DYRK1A: variants seen among roughly 807,000 people sequenced by gnomAD.
DYRK1A encodes the protein dual specificity tyrosine-phosphorylation-regulated kinase 1A.
A neutral mutation model predicts 79.7 loss-of-function variants in DYRK1A; 9 were observed. That is an observed-to-expected ratio of 0.11 (90% confidence interval 0.07 to 0.20). DYRK1A has a LOEUF of 0.20. DYRK1A is among the 10% of genes least tolerant of loss of function. DYRK1A has a pLI of 1.00. For synonymous variants in DYRK1A, 349 were observed against 329.7 expected (o/e 1.06, Z -0.63); for missense variants, 622 against 956.0 (o/e 0.65, Z 4.61).
intron 1 of DYRK1A, among the ~76,000 whole-genome samples, chr21:37,402,850 C>T (rs990884094): frequency 3.3e-5 from 5 of 152,210 alleles, no homozygotes; most frequent in African/African-American, 9.6e-5. Flanking sequence ...GCAACCTCTG[C>T]CTCCCAGGTT....
chr21:37,389,476 T>G (rs547932585), intron 1 of DYRK1A, among the ~76,000 whole-genome samples: 2 of 152,308 alleles, frequency 1.3e-5, no homozygotes, highest in East Asian at 3.9e-4. Context: ...AAAAGAATAT[T>G]TCTGATTCGA....
chr21:37,418,509 AAGT>A (rs1395526949), intron 1 of DYRK1A, among the ~76,000 whole-genome samples: 7 of 152,168 alleles, frequency 4.6e-5, no homozygotes, highest in African/African-American at 1.7e-4. Flanking sequence ...GGCGAGGTGT[AAGT>A]AGCATTGTAA....
chr21:37,511,926 C>G lies in DYRK1A; in HGVS notation c.1660C>G (p.Pro554Ala). The change falls in exon 12 of 12, where the codon CCT (proline) becomes GCT (alanine). Residue 554 changes from proline to alanine, a missense_variant. Transcript: ENST00000647188. ...GTTCTTTCAGGTGCGTCAGCAATTT[C>G]CTGCTCCTCTTGGTTGGTCAGGCAC... is the stretch of plus-strand genomic sequence containing the variant. ...THSPQVRQQF[P>A]APLGWSGTEA... is the part of the protein sequence containing the mutation. 2 of 1,611,652 alleles carry G rather than the reference C, an allele frequency of 1.2e-6. No individual in the cohort carries two copies. Among genetic ancestry groups the G allele is most frequent in the Non-Finnish European group, 1.7e-6 (2 of 1,177,870 alleles).
Position 37,420,316 on chromosome 21 carries a change from T to C in DYRK1A, c.-59T>C. 1 of 1,552,398 alleles carries C rather than the reference T, an allele frequency of 6.4e-7. No homozygotes were observed. The highest frequency in any genetic ancestry group is 1.1e-5 in the South Asian group (1 of 88,980). ...TCACACAGTGTTATAGTTTTGCCGC[T>C]GGACTCTTCCCTCCCTTCCCCCACC... is the stretch of plus-strand genomic sequence containing the variant. On this transcript the variant is annotated 5_prime_UTR_variant, in exon 2 of 12. Coordinates refer to ENST00000647188, the MANE Select transcript of DYRK1A (RefSeq NM_001347721.2).
At position 37,505,969 on chromosome 21, in the gene DYRK1A, G is replaced by A. The variant is rs1032891446; in HGVS notation, c.1520-130G>A. The A allele has an allele frequency of 1.4e-5, 16 of 1,170,514 alleles. No individual in the cohort carries two copies. The Middle Eastern group carries it at 7.6e-4, about 55-fold the overall frequency. 72.5% of individuals were successfully genotyped at this position (1,170,514 alleles called of 1,614,324 possible). On this transcript the variant is annotated intron_variant, in intron 10 of 11. Coordinates refer to ENST00000647188, the MANE Select transcript of DYRK1A (RefSeq NM_001347721.2). ...TGAAGACTTTGTGATATACTTTCAA[G>A]TTAATATTAGAGATTTTGTATGTGT...
chr21:37,488,572 C>G, intron 6 of DYRK1A: 1 of 985,314 alleles, frequency 1.0e-6, no homozygotes. Flanking sequence ...TGCCAGCCCT[C>G]CATTCTCCCC....
intron 1 of DYRK1A, among the ~76,000 whole-genome samples, chr21:37,410,099 A>G (rs2050215963): frequency 6.6e-6 from 1 of 152,226 alleles, no homozygotes; most frequent in Non-Finnish European, 1.5e-5. Context: ...GAACAACCAC[A>G]TTTGCCAGGA....
chr21:37,430,020 C>T (rs753860661), intron 2 of DYRK1A, among the ~76,000 whole-genome samples: 11 of 152,096 alleles, frequency 7.2e-5, no homozygotes, highest in African/African-American at 2.2e-4. Flanking sequence ...CAGTTTCTCC[C>T]GATCCTCTTT....
intron 1 of DYRK1A, among the ~76,000 whole-genome samples, chr21:37,386,280 C>T (rs1170297471): frequency 6.6e-6 from 1 of 152,128 alleles, no homozygotes; most frequent in Non-Finnish European, 1.5e-5. Flanking sequence ...GCGCTTGAAT[C>T]ATCCCAAAAC....
intron 2 of DYRK1A, among the ~76,000 whole-genome samples, chr21:37,459,783 A>G (rs1251772209): frequency 1.3e-5 from 2 of 152,216 alleles, no homozygotes; most frequent in Admixed American, 6.5e-5. Context: ...CCTAAAAGGC[A>G]TTCTTCTCTG....
chr21:37,411,252 C>T (rs1191127225), intron 1 of DYRK1A, among the ~76,000 whole-genome samples: 1 of 151,228 alleles, frequency 6.6e-6, no homozygotes, highest in East Asian at 2.0e-4. Context: ...GCTACTCAGG[C>T]GGCTGAGGCA....
At chr21:37,383,525 C>T (rs1223188529) in intron 1 of DYRK1A, among the ~76,000 whole-genome samples, 1 of 152,226 alleles carries the variant, frequency 6.6e-6, no homozygotes, top group Non-Finnish European at 1.5e-5. Flanking sequence ...CCAAGGAACT[C>T]TCCTGGGTCA....
At chr21:37,441,629 C>G (rs1601098223) in intron 2 of DYRK1A, among the ~76,000 whole-genome samples, 1 of 152,236 alleles carries the variant, frequency 6.6e-6, no homozygotes, top group Non-Finnish European at 1.5e-5. Flanking sequence ...TAGATCACTT[C>G]ACGTATAGTG....
At chr21:37,476,927 G>A (rs146612451) in intron 3 of DYRK1A, among the ~76,000 whole-genome samples, 1,538 of 150,552 alleles carry the variant, frequency 0.01, 22 homozygotes, top group African/African-American at 0.035. Context: ...ACTTTTTAGA[G>A]TTTGAGTATA....
chr21:37,474,663 CACAT>C (rs2052337765), intron 3 of DYRK1A, among the ~76,000 whole-genome samples: 2 of 152,228 alleles, frequency 1.3e-5, no homozygotes, highest in African/African-American at 4.8e-5. Context: ...GAACCCCCAA[CACAT>C]ACAAAGTACC....
chr21:37,489,950 A>G (rs775916769), intron 6 of DYRK1A, among the ~76,000 whole-genome samples: 21 of 152,186 alleles, frequency 1.4e-4, no homozygotes, highest in Non-Finnish European at 1.2e-4. Context: ...TGCTTACCTT[A>G]TATCACTTAC....
In DYRK1A at chr21:37,406,979, T is replaced by TACCGCTCCTCCCC. The variant is rs1465783858; in HGVS notation, c.-76-13319_-76-13307dup. On this transcript the variant is annotated intron_variant, in intron 1 of 11. Coordinates refer to ENST00000647188, the MANE Select transcript of DYRK1A (RefSeq NM_001347721.2). ...AAAGTCATCTTTTACAACTCCTCCC[T>TACCGCTCCTCCCC]ACCGCTCCTCCCCTAGCTCTCCAGG... Among the ~76,000 whole-genome samples the TACCGCTCCTCCCC allele has an allele frequency of 3.3e-5, 5 of 151,066 alleles. No individual in the cohort carries two copies. The East Asian group carries it at 9.7e-4, about 29-fold the overall frequency.
chr21:37,503,523 G>A (rs1004033142), intron 9 of DYRK1A: 1 of 152,166 alleles, frequency 6.6e-6, no homozygotes, highest in East Asian at 1.9e-4. Flanking sequence ...CTTGGCTCAA[G>A]CAGTTCTTCT....
intron 2 of DYRK1A, among the ~76,000 whole-genome samples, chr21:37,465,895 A>T (rs1345273671): frequency 2.6e-5 from 4 of 152,224 alleles, no homozygotes; most frequent in South Asian, 2.1e-4. Context: ...CGTCATTTTT[A>T]AAAAGATTGA....
Sources: gnomAD v4.1 joint callset for allele counts (sites outside exome capture counted in the v4.1 genomes callset) on GRCh38, gnomAD v4.1.1 for gene constraint, MANE v1.5 for transcripts, NCBI Gene and HGNC (gene_info 2026-07-23, HGNC 2026-07-21) for gene names.